POU6F2: variants seen among roughly 807,000 people sequenced by gnomAD.
POU6F2 encodes POU class 6 homeobox 2.
In POU6F2, 31 loss-of-function variants were observed where a neutral mutation model predicts 71.3. The ratio of observed to expected loss-of-function variants is 0.43; its 90% CI spans 0.33 to 0.59. The LOEUF is 0.59. POU6F2 is among the 20% of genes least tolerant of loss of function. The pLI, the probability that POU6F2 is intolerant of heterozygous loss-of-function variation, is 0.04. For synonymous variants in POU6F2, 347 were observed against 355.7 expected, an observed-to-expected ratio of 0.98 and a Z score of 0.27; for missense variants, 783 against 856.8, an observed-to-expected ratio of 0.91 and a Z score of 1.07.
chr7:39,099,610 A>G (rs111645467), intron 2 of POU6F2, among the ~76,000 whole-genome samples: 8 of 152,332 alleles, frequency 5.3e-5, no homozygotes, highest in African/African-American at 1.9e-4. Context: ...CTGCAGAACG[A>G]TGGTAACCTG....
At chr7:39,147,534 G>A (rs973055425) in intron 2 of POU6F2, among the ~76,000 whole-genome samples, 4 of 152,182 alleles carry the variant, frequency 2.6e-5, no homozygotes, top group African/African-American at 9.7e-5. Context: ...TGATTTTTAT[G>A]AAACATACTT....
At chr7:39,353,332 T>C (rs917395967) in intron 5 of POU6F2, among the ~76,000 whole-genome samples, 20 of 152,358 alleles carry the variant, frequency 1.3e-4, no homozygotes, top group African/African-American at 4.8e-4. Flanking sequence ...TAAACTCTTA[T>C]GTCCTGCCAA....
At chr7:39,205,067 A>T (rs980425012) in intron 3 of POU6F2, among the ~76,000 whole-genome samples, 1 of 151,832 alleles carries the variant, frequency 6.6e-6, no homozygotes, top group Admixed American at 6.6e-5. Flanking sequence ...GGCTCACCCA[A>T]GTTTAGAGTG....
At chr7:39,269,189 G>C (rs1202396983) in intron 4 of POU6F2, among the ~76,000 whole-genome samples, 1 of 152,156 alleles carries the variant, frequency 6.6e-6, no homozygotes, top group Non-Finnish European at 1.5e-5. Flanking sequence ...GTGTTATAAA[G>C]AAATGGTGTG....
intron 1 of POU6F2, among the ~76,000 whole-genome samples, chr7:39,084,525 A>T (rs1791194440): frequency 6.6e-6 from 1 of 152,192 alleles, no homozygotes; most frequent in African/African-American, 2.4e-5. Context: ...GAAGAAGTGC[A>T]TTGATGCACA....
At chr7:39,264,732 G>A (rs1003836835) in intron 4 of POU6F2, among the ~76,000 whole-genome samples, 1 of 152,034 alleles carries the variant, frequency 6.6e-6, no homozygotes, top group Non-Finnish European at 1.5e-5. Flanking sequence ...TATAATTTAG[G>A]TGTTCAGAGG....
intron 4 of POU6F2, among the ~76,000 whole-genome samples, chr7:39,268,212 G>A (rs927962758): frequency 9.9e-5 from 15 of 152,148 alleles, no homozygotes; most frequent in African/African-American, 2.7e-4. Flanking sequence ...TGTTGCTGCT[G>A]TAAAGTCCAT....
At chr7:39,270,881 T>C (rs1333174597) in intron 4 of POU6F2, among the ~76,000 whole-genome samples, 1 of 152,216 alleles carries the variant, frequency 6.6e-6, no homozygotes, top group African/African-American at 2.4e-5. Context: ...GCTCACTTTC[T>C]TCCCCTTGGC....
intron 1 of POU6F2, among the ~76,000 whole-genome samples, chr7:38,994,090 T>C (rs1788677037): frequency 6.6e-6 from 1 of 152,176 alleles, no homozygotes; most frequent in African/African-American, 2.4e-5. Flanking sequence ...CCTATATTCA[T>C]TGAGCTTTGG....
intron 2 of POU6F2, among the ~76,000 whole-genome samples, chr7:39,087,260 C>T (rs965034435): frequency 4.0e-5 from 6 of 151,610 alleles, no homozygotes; most frequent in African/African-American, 7.3e-5. Context: ...GTGCTTCAAC[C>T]GACAATCTTT....
chr7:39,007,714 C>A (rs1055515360), intron 1 of POU6F2, among the ~76,000 whole-genome samples: 1 of 151,508 alleles, frequency 6.6e-6, no homozygotes, highest in Admixed American at 6.6e-5. Flanking sequence ...GTGTGATATT[C>A]CCCTTCCTGT....
At chr7:38,993,810 T>A (rs987134863) in intron 1 of POU6F2, among the ~76,000 whole-genome samples, 1 of 152,144 alleles carries the variant, frequency 6.6e-6, no homozygotes, top group Non-Finnish European at 1.5e-5. Context: ...GAGTGCGTAT[T>A]TCGGAGCACT....
At chr7:39,438,690 C>T (rs889308626) in intron 7 of POU6F2, among the ~76,000 whole-genome samples, 9 of 152,188 alleles carry the variant, frequency 5.9e-5, no homozygotes, top group African/African-American at 1.7e-4. Flanking sequence ...TTTCTTAATC[C>T]TGAGTTCTAA....
chr7:39,158,266 T>C (rs1263869413), intron 2 of POU6F2, among the ~76,000 whole-genome samples: 1 of 152,190 alleles, frequency 6.6e-6, no homozygotes, highest in Non-Finnish European at 1.5e-5. Flanking sequence ...TAAGTGATTA[T>C]TAAATATTCT....
In POU6F2 at chr7:39,146,163, G is replaced by A. The variant is rs533360847; in HGVS notation, c.278-58072G>A. Reference sequence around the variant, plus strand: ...AAATGATGATCTAATTTACTTCAAAGGAGGGAGGAGGCATATGATTAACTT... The same window carrying A: ...AAATGATGATCTAATTTACTTCAAAAGAGGGAGGAGGCATATGATTAACTT... On this transcript the variant is annotated intron_variant, in intron 2 of 9. Transcript: ENST00000518318. 2.6e-5 allele frequency among the ~76,000 whole-genome samples: 4 copies of A among 152,332 alleles called. No homozygotes were observed. The South Asian group carries it at 6.2e-4, about 24-fold the overall frequency.
At chr7:39,141,471 A>G (rs1438930714) in intron 2 of POU6F2, among the ~76,000 whole-genome samples, 1 of 152,194 alleles carries the variant, frequency 6.6e-6, no homozygotes, top group Non-Finnish European at 1.5e-5. Flanking sequence ...GCCAGCCTAA[A>G]GCTCTGATTT....
intron 2 of POU6F2, among the ~76,000 whole-genome samples, chr7:39,095,581 G>A (rs191726965): frequency 6.6e-6 from 1 of 152,186 alleles, no homozygotes; most frequent in South Asian, 2.1e-4. Flanking sequence ...ACCCTGTAAC[G>A]GTTTATGGTC....
chr7:39,070,604 C>A (rs1302750936), intron 1 of POU6F2, among the ~76,000 whole-genome samples: 1 of 151,946 alleles, frequency 6.6e-6, no homozygotes, highest in Non-Finnish European at 1.5e-5. Flanking sequence ...GCCCCACCAG[C>A]CTCCTCTCCC....
At chr7:39,059,789 A>G (rs1790616087) in intron 1 of POU6F2, among the ~76,000 whole-genome samples, 1 of 152,252 alleles carries the variant, frequency 6.6e-6, no homozygotes, top group Admixed American at 6.5e-5. Flanking sequence ...ATACCCATCT[A>G]TTGATGAACA....
Sources: allele counts gnomAD v4.1 joint callset (sites outside exome capture counted in the v4.1 genomes callset), GRCh38; gene constraint gnomAD v4.1.1; transcripts MANE v1.5; gene names NCBI Gene and HGNC (gene_info 2026-07-23, HGNC 2026-07-21).